Variants in NEK10 observed in about 807,000 individuals in gnomAD.
NEK10 encodes NIMA related kinase 10, also known as serine/threonine-protein kinase Nek10.
NEK10 carries 122 observed loss-of-function variants against 159.8 expected under a neutral mutation model. The observed-to-expected ratio is 0.76, with a 90% confidence interval of 0.66 to 0.89. The LOEUF is 0.89. Among genes scored for constraint, NEK10 ranks in the 40% least tolerant of loss-of-function variants. The pLI, the probability that NEK10 is intolerant of heterozygous loss-of-function variation, is 0.00. For missense variants in NEK10, 1,342 were observed against 1,323.1 expected (o/e 1.01, Z -0.22); for synonymous variants, 466 against 457.1 (o/e 1.02, Z -0.25).
At chr3:27,348,401 G>A (rs1045622819) in intron 3 of NEK10, among the ~76,000 whole-genome samples, 89 of 152,266 alleles carry the variant, frequency 5.8e-4, no homozygotes, top group African/African-American at 2.1e-3. Context: ...CATGGAAAAC[G>A]GGTGGATAAG....
intron 23 of NEK10, among the ~76,000 whole-genome samples, chr3:27,228,339 A>G (rs1952854552): frequency 6.6e-6 from 1 of 151,704 alleles, no homozygotes; most frequent in South Asian, 2.1e-4. Context: ...TTTCCCTCCC[A>G]TTGCTCAGAT....
At position 27,162,700 on chromosome 3, in the gene NEK10, C is replaced by G. The variant is rs752115210; in HGVS notation, c.2869+1G>C. ...TTTTATTGCTACCAACACTAAGTTA[C>G]CTGGTCTTGGTCTTGATCCTGTTCC... On this transcript the variant is annotated splice_donor_variant, in intron 30 of 35. Transcript: ENST00000691995. LOFTEE classifies it high-confidence loss of function. 3 of 1,614,028 alleles carry G rather than the reference C, an allele frequency of 1.9e-6. No homozygotes were observed. The highest frequency in any genetic ancestry group is 2.5e-6 in the Non-Finnish European group (3 of 1,179,958).
rs1482445120 is a variant in NEK10 at position 27,238,777 on chromosome 3, GTGTGTGTGTGTGTA to G, written c.2090+17505_2090+17518del. Among the ~76,000 whole-genome samples the G allele has an allele frequency of 2.7e-5, 4 of 150,120 alleles. No individual in the cohort carries two copies. The East Asian group carries it at 7.9e-4, about 30-fold the overall frequency. On this transcript the variant is annotated intron_variant, in intron 23 of 35. Transcript: ENST00000691995. ...TGTGTGTGTGTGTGTGTGTGTGTGTGTGTGTGTGTGTGTATGTGAAGCAACGAAAGCACAGATTT... is the reference window on the plus strand; with the variant it reads ...TGTGTGTGTGTGTGTGTGTGTGTGTGTGTGAAGCAACGAAAGCACAGATTT...
At chr3:27,280,207 A>G (rs1191906662) in intron 22 of NEK10, among the ~76,000 whole-genome samples, 1 of 151,986 alleles carries the variant, frequency 6.6e-6, no homozygotes, top group Admixed American at 6.6e-5. Context: ...GAGATATTCC[A>G]ATAAATGTGT....
At chr3:27,264,253 C>A (rs1268025147) in intron 22 of NEK10, among the ~76,000 whole-genome samples, 1 of 152,096 alleles carries the variant, frequency 6.6e-6, no homozygotes, top group African/African-American at 2.4e-5. Context: ...ACAAACTCTA[C>A]CAGAAAATAG....
chr3:27,198,251 C>T (rs575933723), intron 25 of NEK10, among the ~76,000 whole-genome samples: 16 of 149,534 alleles, frequency 1.1e-4, no homozygotes, highest in Non-Finnish European at 2.2e-4. Context: ...CTACCAGTGA[C>T]ATTCTTCACA....
intron 1 of NEK10, among the ~76,000 whole-genome samples, chr3:27,359,140 T>C (rs1270958873): frequency 6.7e-6 from 1 of 148,290 alleles, no homozygotes; most frequent in East Asian, 2.0e-4. Context: ...AGGCAGAGGT[T>C]GCAGTGAGCC....
At chr3:27,173,442 T>A (rs1947202358) in intron 28 of NEK10, among the ~76,000 whole-genome samples, 1 of 152,312 alleles carries the variant, frequency 6.6e-6, no homozygotes, top group East Asian at 1.9e-4. Context: ...ATGAGCTTCA[T>A]GTTTTCCCAA....
chr3:27,206,125 C>T (rs529475170), intron 23 of NEK10, among the ~76,000 whole-genome samples: 18 of 152,320 alleles, frequency 1.2e-4, no homozygotes, highest in South Asian at 6.2e-4. Context: ...AATACCATCA[C>T]GTTGCAGATT....
At position 27,177,401 on chromosome 3, in the gene NEK10, C is replaced by T. The variant is rs903306458; in HGVS notation, c.2506-2568G>A. On this transcript the variant is annotated intron_variant, in intron 26 of 35. Coordinates refer to ENST00000691995, the MANE Select transcript of NEK10 (RefSeq NM_001394966.1). The stretch of plus-strand genomic sequence containing the variant: ...TACTAAAAAATACAAAAAAATTAGC[C>T]GGGCATGGTGGTGGGCGCCTGTAGT... Among the ~76,000 whole-genome samples the T allele has an allele frequency of 3.3e-5, 5 of 151,762 alleles. 1 individual carries two copies. Among genetic ancestry groups the T allele is most frequent in the Admixed American group, 3.3e-4 (5 of 15,252 alleles).
intron 5 of NEK10, among the ~76,000 whole-genome samples, chr3:27,338,851 A>C (rs970198407): frequency 6.6e-6 from 1 of 152,108 alleles, no homozygotes; most frequent in Non-Finnish European, 1.5e-5. Flanking sequence ...AGATTGCAAA[A>C]ATTTTCTCCC....
rs181546751 is a variant in NEK10 at position 27,155,458 on chromosome 3, C to T, written c.2869+7243G>A. Among the ~76,000 whole-genome samples, 45 of 151,268 alleles carry T rather than the reference C, an allele frequency of 3.0e-4. No homozygotes were observed. The East Asian group carries it at 8.3e-3, about 28-fold the overall frequency. Reference sequence around the variant, plus strand: ...CGGAGGTTGCAGTGAGCCAAAATTGCGCCACTGCACACCAGCCTGGCAACA... The same window carrying T: ...CGGAGGTTGCAGTGAGCCAAAATTGTGCCACTGCACACCAGCCTGGCAACA... On this transcript the variant is annotated intron_variant, in intron 30 of 35. Transcript: ENST00000691995.
intron 22 of NEK10, among the ~76,000 whole-genome samples, chr3:27,263,658 C>G (rs142802705): frequency 1.7e-3 from 266 of 152,268 alleles, no homozygotes; most frequent in Middle Eastern, 6.8e-3. Flanking sequence ...TTGCTAAGAC[C>G]GTTGGAAAAG....
At chr3:27,280,912 GGTGT>G (rs148929788) in intron 22 of NEK10, among the ~76,000 whole-genome samples, 261 of 137,706 alleles carry the variant, frequency 1.9e-3, no homozygotes, top group Non-Finnish European at 3.2e-3. Flanking sequence ...ATGTACATAT[GGTGT>G]GTGTGTGTGT....
intron 19 of NEK10, among the ~76,000 whole-genome samples, chr3:27,288,767 T>C (rs951503919): frequency 7.9e-5 from 12 of 152,220 alleles, no homozygotes; most frequent in Non-Finnish European, 1.3e-4. Flanking sequence ...TTTGAGTTTC[T>C]AGATAAAATT....
chr3:27,243,510 TTTCTC>T (rs1559351119), intron 23 of NEK10, among the ~76,000 whole-genome samples: 1 of 152,188 alleles, frequency 6.6e-6, no homozygotes, highest in Non-Finnish European at 1.5e-5. Context: ...CTTGCTATCT[TTTCTC>T]TTCTTTCCTT....
intron 20 of NEK10, among the ~76,000 whole-genome samples, chr3:27,286,076 A>AT (rs2042571286): frequency 3.1e-5 from 3 of 96,208 alleles, no homozygotes; most frequent in African/African-American, 1.1e-4. Context: ...GCCATTTCCA[A>AT]TTCTTTTTTT....
chr3:27,313,900 C>T (rs1352586386), intron 7 of NEK10, among the ~76,000 whole-genome samples: 4 of 151,984 alleles, frequency 2.6e-5, no homozygotes, highest in Non-Finnish European at 4.4e-5. Context: ...TTAGTAGAGA[C>T]GGGGTTTCAC....
chr3:27,218,461 C>T (rs746586092), intron 23 of NEK10, among the ~76,000 whole-genome samples: 2 of 151,882 alleles, frequency 1.3e-5, no homozygotes, highest in Admixed American at 6.6e-5. Context: ...AAAAATTAGC[C>T]GGGCTTGGTG....
Sources: allele counts gnomAD v4.1 joint callset (sites outside exome capture counted in the v4.1 genomes callset), GRCh38; gene constraint gnomAD v4.1.1; transcripts MANE v1.5; gene names NCBI Gene and HGNC (gene_info 2026-07-23, HGNC 2026-07-21).